CLSTN2: variants seen among roughly 807,000 people sequenced by gnomAD.
CLSTN2 encodes calsyntenin 2.
Under a neutral mutation model 101.2 loss-of-function variants are expected in CLSTN2, and 48 were observed. The ratio of observed to expected loss-of-function variants is 0.47; its 90% CI spans 0.38 to 0.60. The LOEUF is 0.60. Among genes scored for constraint, CLSTN2 ranks in the 20% least tolerant of loss-of-function variants. The pLI, the probability that CLSTN2 is intolerant of heterozygous loss-of-function variation, is 0.00. For missense variants in CLSTN2, 1,160 were observed against 1,238.2 expected (o/e 0.94, Z 0.95); for synonymous variants, 481 against 463.6 (o/e 1.04, Z -0.48).
intron 2 of CLSTN2, among the ~76,000 whole-genome samples, chr3:140,214,850 C>A (rs898976237): frequency 1.3e-5 from 2 of 152,184 alleles, no homozygotes; most frequent in African/African-American, 2.4e-5. Context: ...TTTTCTTACA[C>A]TTTGGAAAAG....
At chr3:140,304,160 T>G (rs2087088615) in intron 2 of CLSTN2, among the ~76,000 whole-genome samples, 1 of 152,176 alleles carries the variant, frequency 6.6e-6, no homozygotes, top group African/African-American at 2.4e-5. Context: ...GAAACTTCAT[T>G]TCTTTGAATT....
Position 140,219,571 on chromosome 3 carries a change from G to A in CLSTN2, c.232+43498G>A, listed in dbSNP as rs922924264. On this transcript the variant is annotated intron_variant, in intron 2 of 16. Coordinates refer to ENST00000458420, the MANE Select transcript of CLSTN2 (RefSeq NM_022131.3). ...GTGGTTGCTGCTCGTCATTCGGAGC[G>A]AGTGTATCTTGCTGTCCTAGAGACT... 3.3e-5 allele frequency among the ~76,000 whole-genome samples: 5 copies of A among 152,150 alleles called. No individual in the cohort carries two copies. In the East Asian group the frequency reaches 5.8e-4, roughly 18 times the overall value.
At chr3:140,132,758 T>C (rs1321785208) in intron 1 of CLSTN2, among the ~76,000 whole-genome samples, 1 of 152,206 alleles carries the variant, frequency 6.6e-6, no homozygotes. Flanking sequence ...CAAAAGCAAC[T>C]CAACTAATAT....
At chr3:140,265,835 G>A (rs994672189) in intron 2 of CLSTN2, among the ~76,000 whole-genome samples, 2 of 152,186 alleles carry the variant, frequency 1.3e-5, no homozygotes, top group Admixed American at 6.5e-5. Flanking sequence ...AAACTAGGCA[G>A]ATAGAGGCAT....
intron 1 of CLSTN2, among the ~76,000 whole-genome samples, chr3:139,980,093 C>T (rs1935889358): frequency 6.6e-6 from 1 of 152,114 alleles, no homozygotes; most frequent in Non-Finnish European, 1.5e-5. Flanking sequence ...ACCATCATCT[C>T]TCACCTGAAT....
intron 7 of CLSTN2, among the ~76,000 whole-genome samples, chr3:140,466,120 T>C (rs566936300): frequency 7.7e-4 from 117 of 152,302 alleles, no homozygotes; most frequent in African/African-American, 2.7e-3. Flanking sequence ...CTCTGCTTCA[T>C]ATAGATTAGG....
At chr3:140,249,891 G>A (rs901657446) in intron 2 of CLSTN2, among the ~76,000 whole-genome samples, 7 of 152,094 alleles carry the variant, frequency 4.6e-5, no homozygotes, top group Admixed American at 1.3e-4. Context: ...CCCTCACTCC[G>A]CAGGGCAACA....
chr3:140,213,702 T>C (rs2010886244), intron 2 of CLSTN2, among the ~76,000 whole-genome samples: 1 of 152,172 alleles, frequency 6.6e-6, no homozygotes, highest in Non-Finnish European at 1.5e-5. Context: ...GACCGTGTGA[T>C]GGGGAGAATG....
At chr3:140,546,348 T>C (rs1935583329) in intron 9 of CLSTN2, among the ~76,000 whole-genome samples, 167 bp from the exon 10 acceptor site, 1 of 152,214 alleles carries the variant, frequency 6.6e-6, no homozygotes. Context: ...TAGCAGCGTA[T>C]AACTTCTTAC....
At chr3:140,473,819 G>A (rs1373987759) in intron 8 of CLSTN2, among the ~76,000 whole-genome samples, 1 of 151,912 alleles carries the variant, frequency 6.6e-6, no homozygotes, top group East Asian at 1.9e-4. Context: ...GTGCAGTGGT[G>A]CGATCTTGGC....
chr3:140,225,328 T>C (rs1280724492), intron 2 of CLSTN2, among the ~76,000 whole-genome samples: 1 of 152,232 alleles, frequency 6.6e-6, no homozygotes, highest in East Asian at 1.9e-4. Flanking sequence ...GGAGTGTGAT[T>C]ACATTACTTC....
intron 2 of CLSTN2, among the ~76,000 whole-genome samples, chr3:140,245,668 A>AG (rs1216595284): frequency 6.6e-6 from 1 of 151,578 alleles, no homozygotes; most frequent in East Asian, 1.9e-4. Flanking sequence ...TCCCACAAAA[A>AG]AAATGTGACA....
At chr3:140,539,833 T>C (rs559379980) in intron 9 of CLSTN2, among the ~76,000 whole-genome samples, 2 of 152,350 alleles carry the variant, frequency 1.3e-5, no homozygotes, top group East Asian at 3.9e-4. Flanking sequence ...TGCAGGTCTA[T>C]GCCACCAAAG....
intron 1 of CLSTN2, among the ~76,000 whole-genome samples, chr3:140,076,190 A>T (rs2008484316): frequency 2.0e-5 from 3 of 152,190 alleles, no homozygotes; most frequent in Non-Finnish European, 4.4e-5. Context: ...TGTTTCACTT[A>T]GCATAATGTT....
intron 8 of CLSTN2, among the ~76,000 whole-genome samples, chr3:140,485,372 G>T (rs527497493): frequency 1.3e-5 from 2 of 152,342 alleles, no homozygotes; most frequent in South Asian, 2.1e-4. Context: ...CCCTACTAGG[G>T]GGTGCCTCCC....
At chr3:140,295,964 G>A (rs988988229) in intron 2 of CLSTN2, among the ~76,000 whole-genome samples, 1 of 152,134 alleles carries the variant, frequency 6.6e-6, no homozygotes, top group African/African-American at 2.4e-5. Context: ...AAGAATTGAG[G>A]CTATTTTAAC....
chr3:139,979,633 C>G (rs1226448128), intron 1 of CLSTN2, among the ~76,000 whole-genome samples: 1 of 152,212 alleles, frequency 6.6e-6, no homozygotes, highest in Non-Finnish European at 1.5e-5. Context: ...CATCTCTTTT[C>G]TCACAACTTT....
At chr3:139,995,558 G>A (rs1021845120) in intron 1 of CLSTN2, among the ~76,000 whole-genome samples, 1 of 152,120 alleles carries the variant, frequency 6.6e-6, no homozygotes, top group Non-Finnish European at 1.5e-5. Context: ...ATCTTGATGT[G>A]GCTTCTGTGT....
At chr3:140,047,474 AT>A in intron 1 of CLSTN2, among the ~76,000 whole-genome samples, 1 of 152,226 alleles carries the variant, frequency 6.6e-6, no homozygotes, top group East Asian at 1.9e-4. Context: ...ATAATATTTT[AT>A]TTTAACTTCT....
Sources: gnomAD v4.1 joint callset for allele counts (sites outside exome capture counted in the v4.1 genomes callset) on GRCh38, gnomAD v4.1.1 for gene constraint, MANE v1.5 for transcripts, NCBI Gene and HGNC (gene_info 2026-07-23, HGNC 2026-07-21) for gene names.